COL13A1: variants seen among roughly 807,000 people sequenced by gnomAD.
COL13A1 encodes collagen alpha-1(XIII) chain.
In COL13A1, 89 loss-of-function variants were observed where a neutral mutation model predicts 130.9. The ratio of observed to expected loss-of-function variants is 0.68; its 90% confidence interval spans 0.57 to 0.81. COL13A1 has a LOEUF of 0.81. Among genes scored for constraint, COL13A1 ranks in the 30% least tolerant of loss-of-function variants. COL13A1 has a pLI of 0.00. For missense variants in COL13A1, 879 were observed against 934.6 expected, an observed-to-expected ratio of 0.94 and a Z score of 0.78; for synonymous variants, 402 against 341.6, an observed-to-expected ratio of 1.18 and a Z score of -1.95.
intron 1 of COL13A1, among the ~76,000 whole-genome samples, chr10:69,820,750 GC>G (rs1178868093): frequency 6.6e-6 from 1 of 151,810 alleles, no homozygotes; most frequent in Non-Finnish European, 1.5e-5. Context: ...TGCCCTCAGA[GC>G]CCCCCATCCC....
rs1459806178 is a variant in COL13A1 at position 69,866,877 on chromosome 10, G to C, written c.365-921G>C. On this transcript the variant is annotated intron_variant, in intron 2 of 40. Transcript: ENST00000645393. ...GAGCATAAAAGAAGCAACAGGAGTC[G>C]CAGCTGAGTTAACGTGGCCAGGGCA... 6.6e-5 allele frequency among the ~76,000 whole-genome samples: 10 copies of C among 152,138 alleles called. No individual in the cohort carries two copies. The South Asian group carries it at 1.9e-3, about 28-fold the overall frequency.
intron 12 of COL13A1, among the ~76,000 whole-genome samples, 172 bp from the exon 13 acceptor site, chr10:69,895,378 G>A (rs551664476): frequency 6.6e-6 from 1 of 152,314 alleles, no homozygotes; most frequent in South Asian, 2.1e-4. Context: ...GCTAGCCAGG[G>A]GCAAGGGAGG....
At chr10:69,865,887 G>C (rs2058467471) in intron 2 of COL13A1, among the ~76,000 whole-genome samples, 1 of 152,188 alleles carries the variant, frequency 6.6e-6, no homozygotes, top group Non-Finnish European at 1.5e-5. Context: ...GAAGGGTCCA[G>C]AGCTCTACCA....
intron 39 of COL13A1, chr10:69,955,149 G>A (rs1308166801): frequency 2.6e-5 from 4 of 152,194 alleles, no homozygotes; most frequent in African/African-American, 9.7e-5. Flanking sequence ...AAGAGAAAAA[G>A]ATACAAGAAA....
intron 2 of COL13A1, among the ~76,000 whole-genome samples, chr10:69,864,429 C>T (rs1859205071): frequency 6.6e-6 from 1 of 152,192 alleles, no homozygotes. Flanking sequence ...AGCTTTCTAA[C>T]ATAGGAAACT....
In COL13A1 at chr10:69,802,463, G is replaced by T; in HGVS notation, c.40G>T (p.Ala14Ser). ...ERTHKAAATG[A>S]RGPGELGAPG... ...CACCCACAAAGCGGCAGCCACCGGT[G>T]CCCGCGGCCCTGGGGAGTTGGGCGC... The change falls in exon 1 of 41, where the codon GCC becomes TCC. Residue 14 changes from alanine to serine, a missense_variant. Around this residue, in one of 3 missense-constraint regions of COL13A1, gnomAD observed 715 missense variants for 721.0 expected, o/e 0.99. Transcript: ENST00000645393. The T allele has an allele frequency of 1.3e-6, 2 of 1,505,638 alleles. No individual in the cohort carries two copies. The highest frequency in any genetic ancestry group is 1.8e-6 in the Non-Finnish European group (2 of 1,132,674). 93.3% of individuals were successfully genotyped at this position (1,505,638 alleles called of 1,614,324 possible).
In COL13A1 at chr10:69,822,384, T is replaced by G; in HGVS notation, c.310T>G (p.Ser104Ala). 1 of 1,588,584 alleles carries G rather than the reference T, an allele frequency of 6.3e-7. No individual in the cohort carries two copies. Among genetic ancestry groups the G allele is most frequent in the Non-Finnish European group, 8.6e-7 (1 of 1,167,576 alleles). ...CCTTGTACAGAAATGGAAGCTCCAC[T>G]CAAGGAGGCGCCGGGAGGCCCCAAA... ...QLLDEKWKLHSRRRREAPKTS... is the reference protein window; with the variant it reads ...QLLDEKWKLHARRRREAPKTS... The change falls in exon 2 of 41, where the codon TCA becomes GCA. Residue 104 changes from serine to alanine, a missense_variant. By Grantham distance (99) the Ser-to-Ala change is moderately conservative. Coordinates refer to ENST00000645393, the MANE Select transcript of COL13A1 (RefSeq NM_001368882.1).
intron 2 of COL13A1, among the ~76,000 whole-genome samples, chr10:69,850,756 G>T (rs201682794): frequency 9.8e-5 from 1 of 10,166 alleles, no homozygotes; most frequent in Non-Finnish European, 3.8e-4. Context: ...GCAACAGACC[G>T]GGCAAAGGAA....
intron 35 of COL13A1, among the ~76,000 whole-genome samples, chr10:69,941,951 C>T (rs2136096663): frequency 6.6e-6 from 1 of 152,330 alleles, no homozygotes; most frequent in African/African-American, 2.4e-5. Context: ...CTGCAGAGGG[C>T]TTTCAAGGCC....
intron 4 of COL13A1, among the ~76,000 whole-genome samples, chr10:69,872,451 C>A (rs1217268349): frequency 6.6e-6 from 1 of 152,188 alleles, no homozygotes; most frequent in Non-Finnish European, 1.5e-5. Flanking sequence ...TTGCCCCAGG[C>A]AGACAAATTA....
At chr10:69,914,387 C>G (rs1297863963) in intron 17 of COL13A1, among the ~76,000 whole-genome samples, 1 of 141,238 alleles carries the variant, frequency 7.1e-6, no homozygotes, top group Non-Finnish European at 1.6e-5. Flanking sequence ...AGAGAAAGGG[C>G]TGGGGTGGGT....
chr10:69,873,778 T>A (rs2059322070), intron 4 of COL13A1, among the ~76,000 whole-genome samples: 1 of 152,168 alleles, frequency 6.6e-6, no homozygotes, highest in African/African-American at 2.4e-5. Flanking sequence ...TGCTTCCGTG[T>A]GAAGGGTCCT....
intron 6 of COL13A1, among the ~76,000 whole-genome samples, chr10:69,878,914 C>T (rs565920166): frequency 1.3e-5 from 2 of 152,354 alleles, no homozygotes; most frequent in South Asian, 4.1e-4. Context: ...TCCCGGTGCC[C>T]GGCTCTGTAC....
chr10:69,812,128 C>A (rs1843209557), intron 1 of COL13A1, among the ~76,000 whole-genome samples: 1 of 152,212 alleles, frequency 6.6e-6, no homozygotes, highest in Admixed American at 6.5e-5. Flanking sequence ...TCAGTAACTC[C>A]CTATTGCTCT....
chr10:69,932,610 T>A lies in COL13A1; in HGVS notation c.1728+6T>A, dbSNP rs373955853. ...AGGGCAATCCAGGAGCAGAGGTACATGAGAGATAATTTGACAGAGACTCAT... is the reference window on the plus strand; with the variant it reads ...AGGGCAATCCAGGAGCAGAGGTACAAGAGAGATAATTTGACAGAGACTCAT... On this transcript the variant is annotated splice_donor_region_variant and intron_variant, in intron 31 of 40. Coordinates refer to ENST00000645393, the MANE Select transcript of COL13A1 (RefSeq NM_001368882.1). 4.1e-4 allele frequency: 650 copies of A among 1,592,304 alleles called. 1 individual carries two copies. Among genetic ancestry groups the A allele is most frequent in the Non-Finnish European group, 5.2e-4 (609 of 1,160,798 alleles).
chr10:69,889,328 GGGGGCAGGGAGGAGCAT>G (rs1240838636), intron 9 of COL13A1, 69 bp from the exon 10 acceptor site: 1 of 1,149,788 alleles, frequency 8.7e-7, no homozygotes, highest in African/African-American at 2.1e-5. Context: ...GAGGAGCACA[GGGGGCAGGGAGGAGCAT>G]GAAGGACAGA....
chr10:69,827,500 G>A (rs1055238169), intron 2 of COL13A1, among the ~76,000 whole-genome samples: 9 of 152,180 alleles, frequency 5.9e-5, no homozygotes, highest in African/African-American at 2.2e-4. Context: ...CACAGGAGAT[G>A]ATGTGGCATC....
At position 69,833,249 on chromosome 10, in the gene COL13A1, T is replaced by G. The variant is rs570825133; in HGVS notation, c.364+10811T>G. Among the ~76,000 whole-genome samples the G allele has an allele frequency of 2.0e-5, 3 of 152,186 alleles. No homozygotes were observed. In the South Asian group the frequency reaches 6.2e-4, roughly 32 times the overall value. On this transcript the variant is annotated intron_variant, in intron 2 of 40. Coordinates refer to ENST00000645393, the MANE Select transcript of COL13A1 (RefSeq NM_001368882.1). Reference sequence around the variant, plus strand: ...AGGGTGGAAACTGCAGCCAGAGGAGTTAAGTGAAGAAGGACTGCCCTTCTG... The same window carrying G: ...AGGGTGGAAACTGCAGCCAGAGGAGGTAAGTGAAGAAGGACTGCCCTTCTG...
rs775111395 is a variant in COL13A1 at position 69,937,680 on chromosome 10, G to C, written c.1843G>C (p.Gly615Arg). The C allele has an allele frequency of 6.3e-7, 1 of 1,586,640 alleles. No individual in the cohort carries two copies. The highest frequency in any genetic ancestry group is 8.7e-7 in the Non-Finnish European group (1 of 1,155,000). ...AGCAAAAGGAGAGAAAGGCTTCCAG[G>C]GAGAAAAAGGAGACCGTGGTCCCCT... ...DGAKGEKGFQGEKGDRGPLGL... is the reference protein window; with the variant it reads ...DGAKGEKGFQREKGDRGPLGL... The change falls in exon 34 of 41, where the codon GGA becomes CGA. Residue 615 changes from glycine to arginine, a missense_variant. By Grantham distance (125) the Gly-to-Arg change is moderately radical (BLOSUM62 -2). Transcript: ENST00000645393.
Sources: gnomAD v4.1 joint callset for allele counts (sites outside exome capture counted in the v4.1 genomes callset) on GRCh38, gnomAD v4.1.1 for gene constraint, gnomAD v4.1.1 regional missense constraint, MANE v1.5 for transcripts, NCBI Gene and HGNC (gene_info 2026-07-23, HGNC 2026-07-21) for gene names.